The following ZNF385D variants were observed in gnomAD, a reference collection of about 807,000 sequenced individuals.
ZNF385D encodes the protein zinc finger protein 659.
ZNF385D carries 15 observed loss-of-function variants against 35.8 expected under a neutral mutation model. The observed-to-expected ratio is 0.42, with a 90% CI of 0.28 to 0.64. The LOEUF is 0.64. ZNF385D is among the 30% of genes least tolerant of loss of function. The pLI, the probability that ZNF385D is intolerant of heterozygous loss-of-function variation, is 0.23. For synonymous variants in ZNF385D, 212 were observed against 186.8 expected, an observed-to-expected ratio of 1.13 and a Z score of -1.10; for missense variants, 474 against 494.6, an observed-to-expected ratio of 0.96 and a Z score of 0.39.
At chr3:21,721,748 G>A (rs1298433125) in intron 1 of ZNF385D, among the ~76,000 whole-genome samples, 1 of 152,130 alleles carries the variant, frequency 6.6e-6, no homozygotes, top group Non-Finnish European at 1.5e-5. Context: ...GGATCATCAT[G>A]GAGTCTGGAG....
At chr3:21,537,706 G>A (rs541065818) in intron 3 of ZNF385D, among the ~76,000 whole-genome samples, 1 of 152,130 alleles carries the variant, frequency 6.6e-6, no homozygotes, top group Non-Finnish European at 1.5e-5. Context: ...CCGAAAAGGA[G>A]TGAGTGAGGT....
intron 3 of ZNF385D, among the ~76,000 whole-genome samples, chr3:21,793,192 T>C (rs945096684): frequency 6.6e-6 from 1 of 152,218 alleles, no homozygotes; most frequent in Non-Finnish European, 1.5e-5. Flanking sequence ...AAGTTATGCA[T>C]CATCTCTGCT....
intron 3 of ZNF385D, among the ~76,000 whole-genome samples, chr3:21,810,414 C>G (rs34288718): frequency 0.095 from 14,366 of 151,734 alleles, 1,044 homozygotes; most frequent in East Asian, 0.31. Flanking sequence ...AGGAGATAAA[C>G]CTAATGTAAA....
In ZNF385D at chr3:21,937,064, A is replaced by G. The variant is rs371871009; in HGVS notation, c.325+231753T>C. On this transcript the variant is annotated intron_variant, in intron 3 of 5. Transcript: ENST00000494108. ...ATTCTTTGTCAGAGAGATTTGCATT[A>G]CTAGTAATAGAAGTTAGCCTCACAG... 1.6e-4 allele frequency among the ~76,000 whole-genome samples: 24 copies of G among 152,320 alleles called. No homozygotes were observed. In the East Asian group the frequency reaches 3.5e-3, roughly 22 times the overall value.
intron 3 of ZNF385D, among the ~76,000 whole-genome samples, chr3:21,761,529 A>G (rs1207540031): frequency 6.6e-6 from 1 of 152,194 alleles, no homozygotes. Flanking sequence ...TTACCCATGA[A>G]GTGATAATGT....
chr3:21,808,371 C>T (rs1575687048), intron 3 of ZNF385D, among the ~76,000 whole-genome samples: 1 of 152,292 alleles, frequency 6.6e-6, no homozygotes, highest in East Asian at 1.9e-4. Context: ...ACACTAGAAG[C>T]TATGACTCCA....
At chr3:21,477,431 A>G (rs972462335) in intron 4 of ZNF385D, among the ~76,000 whole-genome samples, 3 of 152,128 alleles carry the variant, frequency 2.0e-5, no homozygotes, top group Admixed American at 2.0e-4. Flanking sequence ...TGTCTCAAAA[A>G]TAATAGTAAT....
At chr3:21,913,887 G>T (rs1408339771) in intron 3 of ZNF385D, among the ~76,000 whole-genome samples, 1 of 152,072 alleles carries the variant, frequency 6.6e-6, no homozygotes, top group African/African-American at 2.4e-5. Flanking sequence ...ATTAGGCAAG[G>T]ATTTGTTGGT....
chr3:21,689,130 CAA>C (rs5847126), intron 1 of ZNF385D, among the ~76,000 whole-genome samples: 32,706 of 114,422 alleles, frequency 0.29, 3,393 homozygotes, highest in Middle Eastern at 0.31. Flanking sequence ...CTTATTGAAG[CAA>C]AAAAAAAAAA....
chr3:22,068,735 T>C (rs1212197773), intron 3 of ZNF385D, among the ~76,000 whole-genome samples: 1 of 152,170 alleles, frequency 6.6e-6, no homozygotes, highest in Non-Finnish European at 1.5e-5. Context: ...TAAACCCTGA[T>C]TGAACTCTGA....
In ZNF385D at chr3:21,927,755, C is replaced by G. The variant is rs1575936260; in HGVS notation, c.325+241062G>C. Among the ~76,000 whole-genome samples the G allele has an allele frequency of 6.6e-5, 10 of 152,180 alleles. 1 individual carries two copies. The South Asian group carries it at 2.1e-3, about 32-fold the overall frequency. ...TAGAGACAGTGATGTTTATAATAAA[C>G]TAGGGGACATTTTATTAGGGAGCTA... On this transcript the variant is annotated intron_variant, in intron 3 of 5. Coordinates refer to the ZNF385D transcript ENST00000494108.
At position 21,429,572 on chromosome 3, in the gene ZNF385D, A is replaced by G. The variant is rs758940707; in HGVS notation, c.674-3902T>C. Among the ~76,000 whole-genome samples the G allele has an allele frequency of 1.8e-4, 28 of 152,092 alleles. 1 individual carries two copies. The highest frequency in any genetic ancestry group is 1.0e-4 in the Non-Finnish European group (7 of 68,004). ...TGTTTCCTTGGGATAGCTTTTCATA[A>G]GTGGTATTATAGGGACAAAGAATAT... On this transcript the variant is annotated intron_variant, in intron 5 of 7. Transcript: ENST00000281523.
At chr3:21,606,326 C>T (rs6780177) in intron 2 of ZNF385D, among the ~76,000 whole-genome samples, 27,363 of 152,008 alleles carry the variant, frequency 0.18, 3,222 homozygotes, top group African/African-American at 0.34. Context: ...TTCCTGTAGC[C>T]GTCCTCTCAC....
At chr3:21,809,031 A>G (rs922911319) in intron 3 of ZNF385D, among the ~76,000 whole-genome samples, 1 of 152,232 alleles carries the variant, frequency 6.6e-6, no homozygotes, top group African/African-American at 2.4e-5. Flanking sequence ...CCAGAGTCTT[A>G]TAACATAAAA....
intron 2 of ZNF385D, among the ~76,000 whole-genome samples, chr3:22,288,126 A>G (rs1241565440): frequency 6.6e-6 from 1 of 152,042 alleles, no homozygotes; most frequent in Non-Finnish European, 1.5e-5. Context: ...AAATCCACTA[A>G]TAGTTTTACG....
chr3:21,493,744 T>C (rs933075485), intron 4 of ZNF385D, among the ~76,000 whole-genome samples: 3 of 152,088 alleles, frequency 2.0e-5, no homozygotes, highest in Non-Finnish European at 4.4e-5. Context: ...ATTACAGCTA[T>C]GAGCCACTGT....
chr3:22,300,675 G>A (rs901139278), intron 2 of ZNF385D, among the ~76,000 whole-genome samples: 1 of 151,782 alleles, frequency 6.6e-6, no homozygotes, highest in Non-Finnish European at 1.5e-5. Context: ...ATGACCAACA[G>A]GTACATTAAA....
rs1161802099 is a variant in ZNF385D at position 22,037,432 on chromosome 3, T to C, written c.325+131385A>G. 2.0e-5 allele frequency among the ~76,000 whole-genome samples: 3 copies of C among 152,150 alleles called. 1 individual carries two copies. The highest frequency in any genetic ancestry group is 7.2e-5 in the African/African-American group (3 of 41,494). ...ACTGGTGTGAGATGGTATCTCATTGTGGTTTTGATTTGCATTTCTCTGATG... is the reference window on the plus strand; with the variant it reads ...ACTGGTGTGAGATGGTATCTCATTGCGGTTTTGATTTGCATTTCTCTGATG... On this transcript the variant is annotated intron_variant, in intron 3 of 5. Coordinates refer to the ZNF385D transcript ENST00000494108.
chr3:21,860,581 G>A (rs375771823), intron 3 of ZNF385D, among the ~76,000 whole-genome samples: 10 of 152,148 alleles, frequency 6.6e-5, no homozygotes, highest in African/African-American at 2.2e-4. Context: ...CAACATGAAA[G>A]TGCTCCTGGG....
Sources: allele counts gnomAD v4.1 joint callset (sites outside exome capture counted in the v4.1 genomes callset), GRCh38; gene constraint gnomAD v4.1.1; transcripts MANE v1.5; gene names NCBI Gene and HGNC (gene_info 2026-07-23, HGNC 2026-07-21).